The following RAB28 variants were observed in gnomAD, a reference collection of about 807,000 sequenced individuals.
The protein encoded by RAB28 is RAB28, member RAS oncogene family.
RAB28 carries 24 observed loss-of-function variants against 31.7 expected under a neutral mutation model. The ratio of observed to expected loss-of-function variants is 0.76; its 90% confidence interval spans 0.55 to 1.06. RAB28 has a LOEUF of 1.06. RAB28 is among the 50% of genes least tolerant of loss of function. RAB28 has a pLI of 0.00. For synonymous variants in RAB28, 100 were observed against 90.4 expected, an observed-to-expected ratio of 1.11 and a Z score of -0.60; for missense variants, 254 against 258.5, an observed-to-expected ratio of 0.98 and a Z score of 0.12.
intron 4 of RAB28, among the ~76,000 whole-genome samples, chr4:13,443,197 C>T (rs1383995505): frequency 6.7e-6 from 1 of 148,944 alleles, no homozygotes; most frequent in African/African-American, 2.5e-5. Context: ...TTTTTTGAGA[C>T]GGAGTCTCCT....
chr4:13,387,472 G>A (rs1008747640), intron 4 of RAB28, among the ~76,000 whole-genome samples: 4 of 151,944 alleles, frequency 2.6e-5, no homozygotes, highest in Non-Finnish European at 2.9e-5. Flanking sequence ...CCCTTTAATG[G>A]CTCAAGTGAT....
chr4:13,471,861 A>G (rs748698310), intron 3 of RAB28, among the ~76,000 whole-genome samples: 3 of 152,092 alleles, frequency 2.0e-5, no homozygotes, highest in Admixed American at 6.6e-5. Context: ...AAAGAAGTCG[A>G]TATGTACCTT....
At chr4:13,417,522 C>G (rs1382784622) in intron 4 of RAB28, among the ~76,000 whole-genome samples, 5 of 152,192 alleles carry the variant, frequency 3.3e-5, no homozygotes, top group African/African-American at 9.7e-5. Context: ...GGCAGGTGCC[C>G]TTCTGGGACG....
chr4:13,393,201 AG>A (rs1386699103), intron 4 of RAB28, among the ~76,000 whole-genome samples: 1 of 152,258 alleles, frequency 6.6e-6, no homozygotes. Context: ...ACAACTGCTT[AG>A]GGATGATAGA....
At chr4:13,424,605 T>C (rs867383559) in intron 4 of RAB28, among the ~76,000 whole-genome samples, 3 of 152,218 alleles carry the variant, frequency 2.0e-5, no homozygotes, top group East Asian at 1.9e-4. Flanking sequence ...ATTCAACCCA[T>C]ACAAAAAAAC....
chr4:13,390,586 CAAAA>C (rs754359378), intron 4 of RAB28, among the ~76,000 whole-genome samples: 2 of 121,132 alleles, frequency 1.7e-5, no homozygotes, highest in Non-Finnish European at 3.6e-5. Flanking sequence ...CACATGGAAT[CAAAA>C]AAAAAAAAAG....
chr4:13,484,050 G>A, intron 1 of RAB28, 26 bp downstream of exon 1: 5 of 1,573,750 alleles, frequency 3.2e-6, no homozygotes, highest in Non-Finnish European at 4.3e-6. Flanking sequence ...GCAGGCCTGG[G>A]ACGGCGGGCC....
At chr4:13,448,510 C>A (rs1284181792) in intron 4 of RAB28, among the ~76,000 whole-genome samples, 1 of 151,938 alleles carries the variant, frequency 6.6e-6, no homozygotes, top group Non-Finnish European at 1.5e-5. Flanking sequence ...ACAGTACTGT[C>A]AAAATGGTTT....
At chr4:13,409,991 G>C (rs1712333004) in intron 4 of RAB28, among the ~76,000 whole-genome samples, 1 of 151,936 alleles carries the variant, frequency 6.6e-6, no homozygotes, top group African/African-American at 2.4e-5. Context: ...TCCCCCTAGT[G>C]CTATCTCGTG....
chr4:13,412,569 T>C (rs1712502338), intron 4 of RAB28, among the ~76,000 whole-genome samples: 1 of 151,872 alleles, frequency 6.6e-6, no homozygotes, highest in South Asian at 2.1e-4. Context: ...TAGGGAAGAT[T>C]TGGGGGAGTA....
chr4:13,472,617 G>C lies in RAB28; in HGVS notation c.261+1701C>G, dbSNP rs143975545. ...AAAAGACTATTCTATTTGACACCAA[G>C]AGTCAAATTTCATTAGAAGTTAGAT... On this transcript the variant is annotated intron_variant, in intron 3 of 6. Transcript: ENST00000330852. 9.2e-4 allele frequency among the ~76,000 whole-genome samples: 139 copies of C among 151,820 alleles called. 5 individuals carry two copies. The East Asian group carries it at 0.026, about 29-fold the overall frequency.
In RAB28 at chr4:13,484,302, C is replaced by A; in HGVS notation, c.-152G>T. On this transcript the variant is annotated 5_prime_UTR_variant, in exon 1 of 7. Coordinates refer to ENST00000330852, the MANE Select transcript of RAB28 (RefSeq NM_001017979.3). ...GGCAGGAGGTATTCGAGGAGAATCA[C>A]TCGGCAAGCGCCATCTTGCCCACCT... The A allele has an allele frequency of 1.6e-6, 1 of 640,214 alleles. No homozygotes were observed. Among genetic ancestry groups the A allele is most frequent in the South Asian group, 1.7e-5 (1 of 57,196 alleles). The allele number at this position is 640,214 out of a possible 1,614,324, so 39.7% of individuals were successfully genotyped here.
chr4:13,380,892 T>C (rs1729100936), intron 5 of RAB28, among the ~76,000 whole-genome samples: 1 of 152,042 alleles, frequency 6.6e-6, no homozygotes, highest in Non-Finnish European at 1.5e-5. Context: ...TTCAATCTAT[T>C]ATTAAATGAC....
chr4:13,484,295 A>T lies in RAB28; in HGVS notation c.-145T>A. The T allele has an allele frequency of 3.1e-6, 2 of 653,466 alleles. No individual in the cohort carries two copies. Among genetic ancestry groups the T allele is most frequent in the Non-Finnish European group, 5.6e-6 (2 of 358,140 alleles). 40.5% of individuals were successfully genotyped at this position (653,466 alleles called of 1,614,324 possible). A position where few individuals can be genotyped will look rare whatever the true frequency, so the allele number is the denominator to read the frequency against. ...CCGCGCCGGCAGGAGGTATTCGAGG[A>T]GAATCACTCGGCAAGCGCCATCTTG... On this transcript the variant is annotated 5_prime_UTR_variant, in exon 1 of 7. Transcript: ENST00000330852.
intron 3 of RAB28, among the ~76,000 whole-genome samples, chr4:13,471,860 G>T (rs577034834): frequency 1.3e-5 from 2 of 151,944 alleles, no homozygotes; most frequent in African/African-American, 4.8e-5. Flanking sequence ...GAAAGAAGTC[G>T]ATATGTACCT....
intron 3 of RAB28, among the ~76,000 whole-genome samples, chr4:13,462,246 TG>T (rs1191232789): frequency 6.6e-6 from 1 of 152,184 alleles, no homozygotes; most frequent in African/African-American, 2.4e-5. Context: ...CCAATTTTCA[TG>T]GTGTAAATGC....
At chr4:13,386,190 T>C (rs769865400) in intron 4 of RAB28, among the ~76,000 whole-genome samples, 1 of 151,968 alleles carries the variant, frequency 6.6e-6, no homozygotes, top group Non-Finnish European at 1.5e-5. Flanking sequence ...ATTCTGGACA[T>C]AGGAACAGGC....
chr4:13,471,788 T>C (rs1716132906), intron 3 of RAB28, among the ~76,000 whole-genome samples: 1 of 151,886 alleles, frequency 6.6e-6, no homozygotes, highest in Non-Finnish European at 1.5e-5. Flanking sequence ...AAAAACACAG[T>C]ACATCCTTAT....
At chr4:13,410,290 C>A (rs929276722) in intron 4 of RAB28, among the ~76,000 whole-genome samples, 2 of 152,120 alleles carry the variant, frequency 1.3e-5, no homozygotes, top group Admixed American at 1.3e-4. Context: ...AAAGGAAGAA[C>A]AGCTGGATAG....
Sources: gnomAD v4.1 joint callset for allele counts (sites outside exome capture counted in the v4.1 genomes callset) on GRCh38, gnomAD v4.1.1 for gene constraint, MANE v1.5 for transcripts, NCBI Gene and HGNC (gene_info 2026-07-23, HGNC 2026-07-21) for gene names.